DERA: variants seen among roughly 807,000 people sequenced by gnomAD.
DERA encodes deoxyribose-phosphate aldolase.
In DERA, 15 loss-of-function variants were observed where a neutral mutation model predicts 41.1. The ratio of observed to expected loss-of-function variants is 0.37; its 90% confidence interval spans 0.24 to 0.56. The LOEUF (loss-of-function observed/expected upper bound fraction) is 0.56. Ranked by LOEUF, DERA falls within the 20% of genes least tolerant of loss-of-function variation. DERA has a pLI of 0.81. For synonymous variants in DERA, 139 were observed against 137.4 expected, an observed-to-expected ratio of 1.01 and a Z score of -0.08; for missense variants, 396 against 403.4, an observed-to-expected ratio of 0.98 and a Z score of 0.16.
chr12:15,998,479 G>A lies in DERA; in HGVS notation c.637+16043G>A, dbSNP rs1007282040. ...ATTACAGGCATCCACCACCATGCCC[G>A]GCTAATTTTCTATTTTTAGTAGAGA... On this transcript the variant is annotated intron_variant, in intron 6 of 8. Coordinates refer to ENST00000428559, the MANE Select transcript of DERA (RefSeq NM_015954.4). The surrounding 1 kb of genome is among the most constrained non-coding windows in gnomAD (Gnocchi z 4.8). Among the ~76,000 whole-genome samples, 10 of 152,130 alleles carry A rather than the reference G, an allele frequency of 6.6e-5. No individual in the cohort carries two copies. Among genetic ancestry groups the A allele is most frequent in the East Asian group, 3.9e-4 (2 of 5,166 alleles).
At chr12:15,951,778 T>C (rs1948499518) in intron 1 of DERA, among the ~76,000 whole-genome samples, 1 of 152,362 alleles carries the variant, frequency 6.6e-6, no homozygotes, top group East Asian at 1.9e-4. Context: ...TGTTTTGTGT[T>C]CTTTTTGTTT....
At position 15,981,728 on chromosome 12, in the gene DERA, T is replaced by G. The variant is rs116586780; in HGVS notation, c.509-580T>G. Among the ~76,000 whole-genome samples, 568 of 152,306 alleles carry G rather than the reference T, an allele frequency of 3.7e-3. 3 individuals are homozygous for G. The highest frequency in any genetic ancestry group is 0.013 in the African/African-American group (536 of 41,578). On this transcript the variant is annotated intron_variant, in intron 5 of 8. Coordinates refer to ENST00000428559, the MANE Select transcript of DERA (RefSeq NM_015954.4). This position sits in a 1 kb window ranked among gnomAD's most constrained non-coding sequence, Gnocchi z 6.1. The stretch of plus-strand genomic sequence containing the variant: ...GCATCTCTGAGCCTCCCTGCAGAGA[T>G]GGCTTTGTACACATGCGTCCAGCAC...
In DERA at chr12:15,935,291, A is replaced by T. The variant is rs1484140372; in HGVS notation, c.32-21645A>T. Among the ~76,000 whole-genome samples, 1 of 152,036 alleles carries T rather than the reference A, an allele frequency of 6.6e-6. No homozygotes were observed. The highest frequency in any genetic ancestry group is 2.4e-5 in the African/African-American group (1 of 41,402). On this transcript the variant is annotated intron_variant, in intron 1 of 8. Transcript: ENST00000428559. This position sits in a 1 kb window ranked among gnomAD's most constrained non-coding sequence, Gnocchi z 4.8. ...CACTTGAGCCCAGGAGTTCAAGACCACCCTGGGCAACATGGCAAAACCCTG... is the reference window on the plus strand; with the variant it reads ...CACTTGAGCCCAGGAGTTCAAGACCTCCCTGGGCAACATGGCAAAACCCTG...
At position 15,994,152 on chromosome 12, in the gene DERA, G is replaced by A. The variant is rs1462175182; in HGVS notation, c.637+11716G>A. Among the ~76,000 whole-genome samples the A allele has an allele frequency of 2.0e-5, 3 of 152,136 alleles. No homozygotes were observed. Among genetic ancestry groups the A allele is most frequent in the East Asian group, 3.9e-4 (2 of 5,194 alleles). ...AGAAAAATTCACAGGTGCAAAGACT[G>A]GTACATAGTAAATGCCTAGTACATG... On this transcript the variant is annotated intron_variant, in intron 6 of 8. Transcript: ENST00000428559. The surrounding 1 kb of genome is among the most constrained non-coding windows in gnomAD (Gnocchi z 4.8).
chr12:16,029,913 C>CCT (rs1555160171), intron 6 of DERA, among the ~76,000 whole-genome samples: 1 of 59,688 alleles, frequency 1.7e-5, no homozygotes, highest in Admixed American at 2.8e-4. Context: ...TAGCCTTGGT[C>CCT]TTTTTTTTTT....
In DERA at chr12:16,021,883, T is replaced by C. The variant is rs1949019204; in HGVS notation, c.638-10659T>C. Among the ~76,000 whole-genome samples the C allele has an allele frequency of 6.6e-6, 1 of 152,192 alleles. No homozygotes were observed. Among genetic ancestry groups the C allele is most frequent in the Non-Finnish European group, 1.5e-5 (1 of 68,034 alleles). ...TTGGAAGTATAACTTGTTTTTGATCTCAGGCTGACAGGTGGAAGGAACTCA... is the reference window on the plus strand; with the variant it reads ...TTGGAAGTATAACTTGTTTTTGATCCCAGGCTGACAGGTGGAAGGAACTCA... On this transcript the variant is annotated intron_variant, in intron 6 of 8. Transcript: ENST00000428559. The surrounding 1 kb of genome is among the most constrained non-coding windows in gnomAD (Gnocchi z 5.3).
chr12:15,944,827 T>G (rs1190820718), intron 1 of DERA, among the ~76,000 whole-genome samples: 5 of 152,234 alleles, frequency 3.3e-5, no homozygotes, highest in Admixed American at 6.5e-5. Context: ...TGAATGGTAT[T>G]GCCTAGGTTT....
intron 1 of DERA, among the ~76,000 whole-genome samples, chr12:15,942,780 C>T (rs1373964735): frequency 6.6e-6 from 1 of 152,204 alleles, no homozygotes; most frequent in African/African-American, 2.4e-5. Context: ...CGGGCTCTCA[C>T]GTGCTGTGCG....
chr12:16,036,607 T>A lies in DERA; in HGVS notation c.901-83T>A. On this transcript the variant is annotated intron_variant, in intron 8 of 8. Coordinates refer to ENST00000428559, the MANE Select transcript of DERA (RefSeq NM_015954.4). The surrounding 1 kb of genome is among the most constrained non-coding windows in gnomAD (Gnocchi z 4.9). ...CTAATGAAATGTTCATTAAAACTAT[T>A]TATTATTATTTGATAGTATAATTAT... 2 of 1,115,624 alleles carry A rather than the reference T, an allele frequency of 1.8e-6. No homozygotes were observed. Among genetic ancestry groups the A allele is most frequent in the Non-Finnish European group, 2.6e-6 (2 of 768,038 alleles). 69.1% of individuals were successfully genotyped at this position (1,115,624 alleles called of 1,614,324 possible). A position where few individuals can be genotyped will look rare whatever the true frequency, so the allele number is the denominator to read the frequency against.
In DERA at chr12:16,010,522, G is replaced by A. The variant is rs1948940381; in HGVS notation, c.638-22020G>A. Among the ~76,000 whole-genome samples the A allele has an allele frequency of 6.6e-6, 1 of 151,908 alleles. No individual in the cohort carries two copies. The highest frequency in any genetic ancestry group is 1.9e-4 in the East Asian group (1 of 5,172). On this transcript the variant is annotated intron_variant, in intron 6 of 8. Transcript: ENST00000428559. This position sits in a 1 kb window ranked among gnomAD's most constrained non-coding sequence, Gnocchi z 5.5. ...ATACTGCTTTTGTTGAGGAATCAAG[G>A]TCTCCGGTGGTCGCCAAGTGAAAAG...
rs979108375 is a variant in DERA, at chr12:15,940,587, G to A, written c.32-16349G>A. Among the ~76,000 whole-genome samples the A allele has an allele frequency of 8.5e-5, 13 of 152,100 alleles. No homozygotes were observed. Among genetic ancestry groups the A allele is most frequent in the African/African-American group, 2.4e-4 (10 of 41,422 alleles). ...AAGATGGTCTTGATCTCCTGACCTC[G>A]TGATCTGCCCTCCTCGACCTCCCAA... On this transcript the variant is annotated intron_variant, in intron 1 of 8. Transcript: ENST00000428559. This position sits in a 1 kb window ranked among gnomAD's most constrained non-coding sequence, Gnocchi z 5.1.
chr12:16,026,660 A>G lies in DERA; in HGVS notation c.638-5882A>G. Among the ~76,000 whole-genome samples the G allele has an allele frequency of 6.6e-6, 1 of 151,310 alleles. No homozygotes were observed. The highest frequency in any genetic ancestry group is 1.9e-4 in the East Asian group (1 of 5,190). ...TATTTATTTAAAAATTTAACAAATT[A>G]CTAAAAACTATTTATAACCTTCCAA... On this transcript the variant is annotated intron_variant, in intron 6 of 8. Transcript: ENST00000428559. The surrounding 1 kb of genome is among the most constrained non-coding windows in gnomAD (Gnocchi z 4.4).
rs1948696832 is a variant in DERA, at chr12:15,976,326, G to C, written c.509-5982G>C. On this transcript the variant is annotated intron_variant, in intron 5 of 8. Transcript: ENST00000428559. This position sits in a 1 kb window ranked among gnomAD's most constrained non-coding sequence, Gnocchi z 4.1. ...TTGTCTTCCTGGCTCTACTTGCCAA[G>C]TCCTCCCCAACCCCTAGAATTTTCA... Among the ~76,000 whole-genome samples the C allele has an allele frequency of 6.6e-6, 1 of 152,092 alleles. No homozygotes were observed. The highest frequency in any genetic ancestry group is 6.5e-5 in the Admixed American group (1 of 15,282).
chr12:15,984,023 C>T lies in DERA; in HGVS notation c.637+1587C>T, dbSNP rs138962310. Among the ~76,000 whole-genome samples, 3 of 152,140 alleles carry T rather than the reference C, an allele frequency of 2.0e-5. No individual in the cohort carries two copies. Among genetic ancestry groups the T allele is most frequent in the Non-Finnish European group, 4.4e-5 (3 of 68,022 alleles). ...GGCTACTTGGTGTACAGGTAGCCCC[C>T]CTTTATGCTGCTTGCCAGCACAAGT... On this transcript the variant is annotated intron_variant, in intron 6 of 8. Transcript: ENST00000428559. This position sits in a 1 kb window ranked among gnomAD's most constrained non-coding sequence, Gnocchi z 4.5.
Position 16,021,948 on chromosome 12 carries a change from T to G in DERA, c.638-10594T>G, listed in dbSNP as rs1279851718. ...TTTGGACTTTAGACTTTGGCATTTT[T>G]GAGCTAAGGCTGGAACAAGTTAAGA... On this transcript the variant is annotated intron_variant, in intron 6 of 8. Coordinates refer to ENST00000428559, the MANE Select transcript of DERA (RefSeq NM_015954.4). This position sits in a 1 kb window ranked among gnomAD's most constrained non-coding sequence, Gnocchi z 5.3. Among the ~76,000 whole-genome samples, 1 of 152,222 alleles carries G rather than the reference T, an allele frequency of 6.6e-6. No individual in the cohort carries two copies. The highest frequency in any genetic ancestry group is 2.4e-5 in the African/African-American group (1 of 41,468).
chr12:15,943,887 C>A lies in DERA; in HGVS notation c.32-13049C>A, dbSNP rs1363652731. On this transcript the variant is annotated intron_variant, in intron 1 of 8. Coordinates refer to ENST00000428559, the MANE Select transcript of DERA (RefSeq NM_015954.4). This position sits in a 1 kb window ranked among gnomAD's most constrained non-coding sequence, Gnocchi z 4.5. Reference sequence around the variant, plus strand: ...ATGCTATCCCTCCCCCCTCCCCCCACCCCACGACAGACCCTGGTGTGTGAT... The same window carrying A: ...ATGCTATCCCTCCCCCCTCCCCCCAACCCACGACAGACCCTGGTGTGTGAT... Among the ~76,000 whole-genome samples the A allele has an allele frequency of 4.3e-5, 5 of 116,070 alleles. No homozygotes were observed. The highest frequency in any genetic ancestry group is 2.1e-4 in the Admixed American group (2 of 9,644). The allele number at this position is 116,070 out of a possible 152,430, so 76.1% of individuals were successfully genotyped here. A position where few individuals can be genotyped will look rare whatever the true frequency, so the allele number is the denominator to read the frequency against.
intron 1 of DERA, among the ~76,000 whole-genome samples, chr12:15,926,274 G>A (rs557639416): frequency 6.6e-6 from 1 of 151,982 alleles, no homozygotes; most frequent in South Asian, 2.1e-4. Context: ...CAGTCCTCCC[G>A]CTTCAGCCTC....
Position 15,994,071 on chromosome 12 carries a change from T to C in DERA, c.637+11635T>C, listed in dbSNP as rs1287287284. Among the ~76,000 whole-genome samples, 4 of 152,236 alleles carry C rather than the reference T, an allele frequency of 2.6e-5. No individual in the cohort carries two copies. Among genetic ancestry groups the C allele is most frequent in the East Asian group, 1.9e-4 (1 of 5,198 alleles). On this transcript the variant is annotated intron_variant, in intron 6 of 8. Coordinates refer to ENST00000428559, the MANE Select transcript of DERA (RefSeq NM_015954.4). This position sits in a 1 kb window ranked among gnomAD's most constrained non-coding sequence, Gnocchi z 4.8. The stretch of plus-strand genomic sequence containing the variant: ...TTTTATTGTCTGAAATTGTGAAAAA[T>C]GTAGCCCAACATATTCCAAAATCAC...
rs1949014934 is a variant in DERA at position 16,021,152 on chromosome 12, A to T, written c.638-11390A>T. Among the ~76,000 whole-genome samples, 1 of 152,208 alleles carries T rather than the reference A, an allele frequency of 6.6e-6. No homozygotes were observed. Among genetic ancestry groups the T allele is most frequent in the Non-Finnish European group, 1.5e-5 (1 of 68,036 alleles). On this transcript the variant is annotated intron_variant, in intron 6 of 8. Coordinates refer to ENST00000428559, the MANE Select transcript of DERA (RefSeq NM_015954.4). This position sits in a 1 kb window ranked among gnomAD's most constrained non-coding sequence, Gnocchi z 5.3. ...GACTGTGGGGAAAAGACTTGAAGGC[A>T]TTTCAGAGGTCTTCGAAGCAGCCCC...
Sources: allele counts gnomAD v4.1 joint callset (sites outside exome capture counted in the v4.1 genomes callset), GRCh38; gene constraint gnomAD v4.1.1; non-coding constraint Gnocchi (gnomAD v3.1); transcripts MANE v1.5; gene names NCBI Gene and HGNC (gene_info 2026-07-23, HGNC 2026-07-21).